The following TRIM44 variants were observed in gnomAD, a reference collection of about 807,000 sequenced individuals.
TRIM44 encodes tripartite motif-containing protein 44.
TRIM44 carries 13 observed loss-of-function variants against 37.4 expected under a neutral mutation model. That is an observed-to-expected ratio of 0.35 (90% CI 0.23 to 0.55). The LOEUF is 0.55. TRIM44 is among the 20% of genes least tolerant of loss of function. The probability of loss-of-function intolerance (pLI) is 0.89; values close to 1 mark genes in which losing one functional copy is unlikely to be tolerated. For synonymous variants in TRIM44, 175 were observed against 157.2 expected (o/e 1.11, Z -0.85); for missense variants, 426 against 437.2 (o/e 0.97, Z 0.23).
intron 4 of TRIM44, among the ~76,000 whole-genome samples, chr11:35,789,723 C>T (rs1393418243): frequency 6.6e-6 from 1 of 152,184 alleles, no homozygotes; most frequent in Non-Finnish European, 1.5e-5. Context: ...GGGCCTTACT[C>T]AGTTCTAAGA....
rs369333767 is a variant in TRIM44, at chr11:35,663,528, C to A, written c.417C>A (p.Ser139Arg). ...AAGAAATGGAGGATGAGCAAGAAAGCGAGGCCGAAGAAGACAACCAAGAAG... is the reference window on the plus strand; with the variant it reads ...AAGAAATGGAGGATGAGCAAGAAAGAGAGGCCGAAGAAGACAACCAAGAAG... ...SEEEMEDEQE[S>R]EAEEDNQEEG... The change falls in exon 1 of 5, where the codon AGC (serine) becomes AGA (arginine). Residue 139 changes from serine (S) to arginine (R), a missense_variant. Ser to Arg is a moderately radical substitution (Grantham distance 110, BLOSUM62 -1). Coordinates refer to ENST00000299413, the MANE Select transcript of TRIM44 (RefSeq NM_017583.6). 8.1e-6 allele frequency: 13 copies of A among 1,605,240 alleles called. No homozygotes were observed. Among genetic ancestry groups the A allele is most frequent in the Non-Finnish European group, 1.1e-5 (13 of 1,175,490 alleles).
chr11:35,794,566 T>A (rs1331221471), intron 4 of TRIM44, among the ~76,000 whole-genome samples: 1 of 152,254 alleles, frequency 6.6e-6, no homozygotes, highest in Non-Finnish European at 1.5e-5. Flanking sequence ...TTTGTAAGAA[T>A]AATCAGTTTA....
chr11:35,711,975 C>T (rs1169455650), intron 2 of TRIM44, among the ~76,000 whole-genome samples: 4 of 152,146 alleles, frequency 2.6e-5, no homozygotes, highest in Admixed American at 2.6e-4. Context: ...AATAATGACA[C>T]CAATTGCATG....
chr11:35,719,276 A>G (rs1422935810), intron 2 of TRIM44, among the ~76,000 whole-genome samples: 1 of 152,082 alleles, frequency 6.6e-6, no homozygotes, highest in Admixed American at 6.5e-5. Flanking sequence ...GAACCATTCT[A>G]ATAGGTGTGT....
At chr11:35,779,158 A>G (rs1318847838) in intron 4 of TRIM44, among the ~76,000 whole-genome samples, 2 of 152,238 alleles carry the variant, frequency 1.3e-5, no homozygotes, top group Admixed American at 1.3e-4. Context: ...GCCCTCCCCC[A>G]GCCTTGCTGC....
chr11:35,742,955 G>T (rs554730790), intron 4 of TRIM44, among the ~76,000 whole-genome samples: 1 of 151,478 alleles, frequency 6.6e-6, no homozygotes, highest in Non-Finnish European at 1.5e-5. Context: ...AACTCAAGTA[G>T]TCTGACTCCA....
At chr11:35,744,935 G>A (rs954703181) in intron 4 of TRIM44, among the ~76,000 whole-genome samples, 1 of 152,178 alleles carries the variant, frequency 6.6e-6, no homozygotes, top group Non-Finnish European at 1.5e-5. Context: ...ATTCCATGGT[G>A]TATATGTATC....
At chr11:35,705,265 G>A (rs1851863865) in intron 2 of TRIM44, among the ~76,000 whole-genome samples, 1 of 151,976 alleles carries the variant, frequency 6.6e-6, no homozygotes, top group African/African-American at 2.4e-5. Flanking sequence ...CATAAAGCAA[G>A]TCCTGAGTGA....
intron 4 of TRIM44, among the ~76,000 whole-genome samples, chr11:35,755,002 T>C (rs1420468659): frequency 6.6e-6 from 1 of 152,216 alleles, no homozygotes; most frequent in Non-Finnish European, 1.5e-5. Context: ...TGTTTTATAA[T>C]CCTTTGGGTA....
Position 35,726,130 on chromosome 11 carries a change from T to C in TRIM44, c.954T>C (p.Asp318=). 6.2e-7 allele frequency: 1 copy of C among 1,614,140 alleles called. No homozygotes were observed. Among genetic ancestry groups the C allele is most frequent in the Non-Finnish European group, 8.5e-7 (1 of 1,180,018 alleles). ...TGGCCCAAGCCAAGGAACAACTTGATACCTCTAATGAATCAGCTGAGCCAA... is the reference window on the plus strand; with the variant it reads ...TGGCCCAAGCCAAGGAACAACTTGACACCTCTAATGAATCAGCTGAGCCAA... ...TQMAQAKEQL[D]TSNESAEPKA... The change falls in exon 3 of 5, where the codon GAT becomes GAC. Residue 318 remains aspartate (D), a synonymous_variant. Transcript: ENST00000299413.
intron 4 of TRIM44, among the ~76,000 whole-genome samples, chr11:35,763,274 A>G (rs1423889579): frequency 6.6e-6 from 1 of 152,108 alleles, no homozygotes; most frequent in African/African-American, 2.4e-5. Flanking sequence ...CTGAAGGCCC[A>G]CTAGATTAGA....
intron 1 of TRIM44, among the ~76,000 whole-genome samples, chr11:35,667,620 G>T (rs116239064): frequency 0.011 from 1,634 of 152,238 alleles, 33 homozygotes; most frequent in African/African-American, 0.037. Context: ...CAGTCCTCCC[G>T]CCTCAACCTC....
chr11:35,780,435 G>A (rs1853047919), intron 4 of TRIM44, among the ~76,000 whole-genome samples: 1 of 152,182 alleles, frequency 6.6e-6, no homozygotes, highest in South Asian at 2.1e-4. Flanking sequence ...TCTCCCTGAA[G>A]AATTTTAACA....
intron 1 of TRIM44, among the ~76,000 whole-genome samples, chr11:35,671,776 T>C (rs1197018269): frequency 1.3e-5 from 2 of 152,250 alleles, no homozygotes; most frequent in Non-Finnish European, 2.9e-5. Flanking sequence ...CTTGAAGTAC[T>C]GTTCTTTCTT....
chr11:35,774,025 T>G (rs1852914633), intron 4 of TRIM44, among the ~76,000 whole-genome samples: 1 of 152,240 alleles, frequency 6.6e-6, no homozygotes, highest in South Asian at 2.1e-4. Flanking sequence ...TTTCTAGTTC[T>G]AAATCCTTGA....
chr11:35,725,325 G>A (rs1852161401), intron 2 of TRIM44, among the ~76,000 whole-genome samples: 1 of 151,996 alleles, frequency 6.6e-6, no homozygotes, highest in Non-Finnish European at 1.5e-5. Flanking sequence ...GGGCGGAGAG[G>A]AAGAATTTCG....
chr11:35,675,667 G>A (rs1851452361), intron 1 of TRIM44, among the ~76,000 whole-genome samples: 2 of 152,048 alleles, frequency 1.3e-5, no homozygotes, highest in South Asian at 2.1e-4. Flanking sequence ...AATTACAGGC[G>A]CCTGCCACCC....
intron 4 of TRIM44, among the ~76,000 whole-genome samples, chr11:35,797,349 T>C (rs1351183879): frequency 1.3e-5 from 2 of 152,244 alleles, no homozygotes; most frequent in African/African-American, 4.8e-5. Context: ...AAGCTCATGT[T>C]TGAAAGTATT....
intron 4 of TRIM44, among the ~76,000 whole-genome samples, chr11:35,770,539 A>G (rs2133865415): frequency 6.6e-6 from 1 of 152,304 alleles, no homozygotes; most frequent in African/African-American, 2.4e-5. Flanking sequence ...TTTTCTCCAT[A>G]GCCTCACCAG....
Sources: gnomAD v4.1 joint callset for allele counts (sites outside exome capture counted in the v4.1 genomes callset) on GRCh38, gnomAD v4.1.1 for gene constraint, MANE v1.5 for transcripts, NCBI Gene and HGNC (gene_info 2026-07-23, HGNC 2026-07-21) for gene names.